Variants in HPS1 observed in about 807,000 individuals in gnomAD.
HPS1 encodes the protein HPS1 biogenesis of lysosomal organelles complex 3 subunit 1.
HPS1 carries 59 observed loss-of-function variants against 90.6 expected under a neutral mutation model. The ratio of observed to expected loss-of-function variants is 0.65; its 90% CI spans 0.53 to 0.81. HPS1 has a LOEUF of 0.81. Ranked by LOEUF, HPS1 falls within the 30% of genes least tolerant of loss-of-function variation. HPS1 has a pLI of 0.00. For missense variants in HPS1, 849 were observed against 896.7 expected (o/e 0.95, Z 0.68); for synonymous variants, 388 against 384.4 (o/e 1.01, Z -0.11).
chr10:98,442,023 G>A (rs1275096504), intron 3 of HPS1, among the ~76,000 whole-genome samples: 3 of 152,202 alleles, frequency 2.0e-5, no homozygotes, highest in Non-Finnish European at 4.4e-5. Flanking sequence ...ACTTGTACGT[G>A]CATGTTCATA....
At position 98,422,393 on chromosome 10, in the gene HPS1, C is replaced by A; in HGVS notation, c.1719G>T (p.Pro573=). The A allele has an allele frequency of 6.2e-7, 1 of 1,614,118 alleles. No individual in the cohort carries two copies. The change falls in exon 17 of 20, where the codon CCG becomes CCT. Residue 573 remains proline, a synonymous_variant. Transcript: ENST00000361490. ...CCTTAGTTTTGACAAAGGCAGCCAG[C>A]GGCCCCTTGCCCAACTCCGACGAGG... ...QKTSSELGKG[P]LAAFVKTKVW...
chr10:98,420,012 C>T, intron 18 of HPS1, 33 bp downstream of exon 18: 1 of 1,318,690 alleles, frequency 7.6e-7, no homozygotes. Flanking sequence ...GTGTGTGTGG[C>T]CCGTCCTGGC....
chr10:98,429,436 CT>C, intron 10 of HPS1, 136 bp downstream of exon 10: 1 of 1,559,722 alleles, frequency 6.4e-7, no homozygotes, highest in Non-Finnish European at 8.7e-7. Flanking sequence ...AGACAGCGTC[CT>C]GTGCTCTAGG....
At chr10:98,428,028 G>A (rs545077342) in intron 10 of HPS1, among the ~76,000 whole-genome samples, 2 of 152,300 alleles carry the variant, frequency 1.3e-5, no homozygotes, top group African/African-American at 4.8e-5. Flanking sequence ...GAGGGACTGG[G>A]AGGAAGATGG....
Position 98,435,396 on chromosome 10 carries a change from T to C in HPS1, c.274A>G (p.Ile92Val), listed in dbSNP as rs1198443128. The part of the protein sequence containing the change: ...VLHLFGECLF[I>V]AINGDHTESE... ...TCGGTGTGGTCACCATTGATGGCAATGAACAGGCATTCTCCAAACTGCAGG... is the reference window on the plus strand; with the variant it reads ...TCGGTGTGGTCACCATTGATGGCAACGAACAGGCATTCTCCAAACTGCAGG... The change falls in exon 5 of 20, where the codon ATT becomes GTT. Residue 92 changes from isoleucine to valine, a missense_variant. Ile to Val is a conservative substitution (Grantham distance 29). Coordinates refer to ENST00000361490, the MANE Select transcript of HPS1 (RefSeq NM_000195.5). This position sits in a 1 kb window ranked among gnomAD's most constrained non-coding sequence, Gnocchi z 4.3. 6.2e-7 allele frequency: 1 copy of C among 1,613,762 alleles called. No homozygotes were observed. The highest frequency in any genetic ancestry group is 2.2e-5 in the East Asian group (1 of 44,860).
chr10:98,442,446 T>A (rs1938594441), intron 3 of HPS1: 1 of 156,078 alleles, frequency 6.4e-6, no homozygotes, highest in African/African-American at 2.4e-5. Flanking sequence ...ACTTTAAATA[T>A]GTGCAATTTA....
In HPS1 at chr10:98,416,487, G is replaced by A. The variant is rs1844132429; in HGVS notation, c.*1077C>T. On this transcript the variant is annotated 3_prime_UTR_variant, in exon 20 of 20. Transcript: ENST00000361490. ...TACTTCCTCACTGCCACCTTCTCAG[G>A]GTTTAGACCAACATGTGGGTTCTAG... is the stretch of plus-strand genomic sequence containing the variant. 1 of 152,332 alleles carries A rather than the reference G, an allele frequency of 6.6e-6. No individual in the cohort carries two copies. The highest frequency in any genetic ancestry group is 2.1e-4 in the South Asian group (1 of 4,824). 9.4% of individuals were successfully genotyped at this position (152,332 alleles called of 1,614,324 possible). A position where few individuals can be genotyped will look rare whatever the true frequency, so the allele number is the denominator to read the frequency against.
intron 6 of HPS1, 28 bp downstream of exon 6, chr10:98,433,955 C>T (rs1490714929): frequency 1.9e-6 from 3 of 1,551,004 alleles, no homozygotes; most frequent in African/African-American, 2.7e-5. Flanking sequence ...AGCTTCAAGT[C>T]CTGAGGACTC....
In HPS1 at chr10:98,417,732, G is replaced by A; in HGVS notation, c.1941-6C>T. On this transcript the variant is annotated splice_polypyrimidine_tract_variant and splice_region_variant and intron_variant, in intron 19 of 19. Coordinates refer to ENST00000361490, the MANE Select transcript of HPS1 (RefSeq NM_000195.5). The surrounding 1 kb of genome is among the most constrained non-coding windows in gnomAD (Gnocchi z 4.2). ...TGTAGTAGCGCAGGAGCTTCCTGGG[G>A]AGGAAGGGGAGGATGGGATTCAGGA... is the stretch of plus-strand genomic sequence containing the variant. 1 of 1,613,454 alleles carries A rather than the reference G, an allele frequency of 6.2e-7. No homozygotes were observed. Among genetic ancestry groups the A allele is most frequent in the Non-Finnish European group, 8.5e-7 (1 of 1,179,714 alleles).
chr10:98,432,693 A>T (rs1173487353), intron 6 of HPS1, among the ~76,000 whole-genome samples: 2 of 152,194 alleles, frequency 1.3e-5, no homozygotes, highest in African/African-American at 2.4e-5. Flanking sequence ...TCATATTTTT[A>T]AATATTTCAT....
chr10:98,443,965 A>T (rs775558187), intron 2 of HPS1, among the ~76,000 whole-genome samples: 1 of 151,844 alleles, frequency 6.6e-6, no homozygotes, highest in Non-Finnish European at 1.5e-5. Context: ...TGAACCCGGG[A>T]GGCAGAGGTT....
At position 98,417,691 on chromosome 10, in the gene HPS1, G is replaced by T. The variant is rs757025808; in HGVS notation, c.1976C>A (p.Thr659Asn). Residue 659 changes from threonine to asparagine, a missense_variant, in exon 20 of 20, where the codon ACC becomes AAC. Transcript: ENST00000361490. The surrounding 1 kb of genome is among the most constrained non-coding windows in gnomAD (Gnocchi z 4.2). ...LLRYYSKNRP[T>N]EAVRCYELLA... is the part of the protein sequence containing the mutation. Reference sequence around the variant, plus strand: ...CAGCTCGTAGCACCTGACAGCCTCGGTTGGGCGGTTCTTGCTGTAGTAGCG... The same window carrying T: ...CAGCTCGTAGCACCTGACAGCCTCGTTTGGGCGGTTCTTGCTGTAGTAGCG... 6.2e-7 allele frequency: 1 copy of T among 1,613,818 alleles called. No individual in the cohort carries two copies. The highest frequency in any genetic ancestry group is 1.3e-5 in the African/African-American group (1 of 74,910).
chr10:98,415,120 G>C (rs764535970), downstream of HPS1: 7 of 1,613,066 alleles, frequency 4.3e-6, no homozygotes, highest in African/African-American at 1.3e-5. Context: ...CAGAGACCTC[G>C]GCCACTTGCA....
chr10:98,438,565 G>A (rs1421781545), intron 3 of HPS1, among the ~76,000 whole-genome samples: 1 of 152,244 alleles, frequency 6.6e-6, no homozygotes, highest in Non-Finnish European at 1.5e-5. Context: ...AGGTAGCAAA[G>A]CATTCAGGGA....
rs1844144955 is a variant in HPS1 at position 98,416,594 on chromosome 10, G to A, written c.*970C>T. 1.3e-5 allele frequency: 2 copies of A among 152,396 alleles called. No individual in the cohort carries two copies. The highest frequency in any genetic ancestry group is 4.8e-5 in the African/African-American group (2 of 41,452). The allele number at this position is 152,396 out of a possible 1,614,324, so 9.4% of individuals were successfully genotyped here. Reference sequence around the variant, plus strand: ...TTGGCTCAAGACTAAAGACACAGAAGGCGAGGCTCCTGCATGCACAGCACA... The same window carrying A: ...TTGGCTCAAGACTAAAGACACAGAAAGCGAGGCTCCTGCATGCACAGCACA... On this transcript the variant is annotated 3_prime_UTR_variant, in exon 20 of 20. Transcript: ENST00000361490.
rs1354004891 is a variant in HPS1 at position 98,417,994 on chromosome 10, G to A, written c.1940+181C>T. 6.6e-6 allele frequency among the ~76,000 whole-genome samples: 1 copy of A among 152,174 alleles called. No homozygotes were observed. Among genetic ancestry groups the A allele is most frequent in the African/African-American group, 2.4e-5 (1 of 41,456 alleles). Reference sequence around the variant, plus strand: ...CCAGCAGGAAGGTGGTAGGAACACAGATGTACCCTCCACACCCGTCCTCCC... The same window carrying A: ...CCAGCAGGAAGGTGGTAGGAACACAAATGTACCCTCCACACCCGTCCTCCC... On this transcript the variant is annotated intron_variant, in intron 19 of 19. Coordinates refer to ENST00000361490, the MANE Select transcript of HPS1 (RefSeq NM_000195.5). The surrounding 1 kb of genome is among the most constrained non-coding windows in gnomAD (Gnocchi z 4.2).
rs374964493 is a variant in HPS1, at chr10:98,435,447, C to A, written c.256-33G>T. The A allele has an allele frequency of 1.9e-6, 3 of 1,613,394 alleles. No homozygotes were observed. The African/African-American group carries it at 4.0e-5, about 22-fold the overall frequency. ...CACAGGCAGGCCAGTGTCAGCCAGC[C>A]CCAAGGGCACTCCCTTCACCTGCCC... On this transcript the variant is annotated intron_variant, in intron 4 of 19. Coordinates refer to ENST00000361490, the MANE Select transcript of HPS1 (RefSeq NM_000195.5). The surrounding 1 kb of genome is among the most constrained non-coding windows in gnomAD (Gnocchi z 4.3).
chr10:98,443,338 G>T, intron 2 of HPS1, 98 bp from the exon 3 acceptor site: 1 of 879,634 alleles, frequency 1.1e-6, no homozygotes, highest in South Asian at 1.3e-5. Flanking sequence ...CAAACATTCA[G>T]TGAGCCCCTT....
intron 5 of HPS1, 54 bp from the exon 6 acceptor site, chr10:98,434,145 C>A (rs1164589572): frequency 1.3e-6 from 2 of 1,511,330 alleles, no homozygotes; most frequent in African/African-American, 1.4e-5. Context: ...TGGTCTCCCC[C>A]ACACCCAACC....
Sources: gnomAD v4.1 joint callset for allele counts (sites outside exome capture counted in the v4.1 genomes callset) on GRCh38, gnomAD v4.1.1 for gene constraint, Gnocchi (gnomAD v3.1) non-coding constraint, MANE v1.5 for transcripts, NCBI Gene and HGNC (gene_info 2026-07-23, HGNC 2026-07-21) for gene names.